Variants in CHSY3 observed in about 807,000 individuals in gnomAD.
CHSY3 encodes the protein N-acetylgalactosaminyl-proteoglycan 3-beta-glucuronosyltransferase 3.
Under a neutral mutation model 67.2 loss-of-function variants are expected in CHSY3, and 35 were observed. The observed-to-expected ratio is 0.52, with a 90% CI of 0.40 to 0.69. The LOEUF is 0.69. Among genes scored for constraint, CHSY3 ranks in the 30% least tolerant of loss-of-function variants. The pLI, the probability that CHSY3 is intolerant of heterozygous loss-of-function variation, is 0.00. For missense variants in CHSY3, 1,069 were observed against 1,138.5 expected, an observed-to-expected ratio of 0.94 and a Z score of 0.88; for synonymous variants, 474 against 434.7, an observed-to-expected ratio of 1.09 and a Z score of -1.12.
chr5:130,058,803 T>A (rs1243720298), intron 2 of CHSY3, among the ~76,000 whole-genome samples: 2 of 152,226 alleles, frequency 1.3e-5, no homozygotes, highest in African/African-American at 4.8e-5. Flanking sequence ...GAAAGCAAGG[T>A]GTCAGCAGGG....
chr5:130,181,456 CT>C (rs1770241149), intron 2 of CHSY3, among the ~76,000 whole-genome samples: 1 of 152,028 alleles, frequency 6.6e-6, no homozygotes, highest in Admixed American at 6.6e-5. Context: ...GATATCTTCT[CT>C]CTCTCTCTGT....
intron 2 of CHSY3, among the ~76,000 whole-genome samples, chr5:130,076,384 C>T (rs1231090015): frequency 1.3e-5 from 2 of 151,468 alleles, no homozygotes; most frequent in East Asian, 3.9e-4. Flanking sequence ...CATTCTATGC[C>T]ACATTATAAT....
chr5:130,121,859 T>C (rs1440615503), intron 2 of CHSY3, among the ~76,000 whole-genome samples: 5 of 152,136 alleles, frequency 3.3e-5, no homozygotes, highest in Admixed American at 2.0e-4. Context: ...AGGCTGGGCA[T>C]AATAGAACAT....
chr5:130,097,313 T>A (rs556095212), intron 2 of CHSY3, among the ~76,000 whole-genome samples: 2 of 152,340 alleles, frequency 1.3e-5, no homozygotes, highest in African/African-American at 4.8e-5. Flanking sequence ...AGTCAGCCAG[T>A]GTGGACAGAC....
intron 2 of CHSY3, among the ~76,000 whole-genome samples, chr5:130,060,307 C>T (rs765265737): frequency 6.6e-6 from 1 of 152,192 alleles, no homozygotes; most frequent in African/African-American, 2.4e-5. Context: ...GCCGTACAAA[C>T]AAAAACCATA....
chr5:130,095,893 C>T (rs141446950), intron 2 of CHSY3, among the ~76,000 whole-genome samples: 198 of 152,322 alleles, frequency 1.3e-3, no homozygotes, highest in African/African-American at 4.0e-3. Context: ...CCCGATATGA[C>T]GCACTGCGGA....
intron 2 of CHSY3, chr5:130,001,410 C>A: frequency 1.1e-6 from 1 of 881,796 alleles, no homozygotes; most frequent in Non-Finnish European, 1.4e-6. Context: ...AGTTAGTAGG[C>A]TGCTGAAGAA....
chr5:130,127,518 G>T (rs1768333458), intron 2 of CHSY3, among the ~76,000 whole-genome samples: 1 of 152,076 alleles, frequency 6.6e-6, no homozygotes, highest in Admixed American at 6.6e-5. Flanking sequence ...TACCATAAAC[G>T]TTCTAGAACA....
intron 2 of CHSY3, among the ~76,000 whole-genome samples, chr5:130,125,416 C>CAGATAGATAGAT (rs202095756): frequency 0.13 from 18,202 of 140,442 alleles, 1,283 homozygotes; most frequent in African/African-American, 0.16. Flanking sequence ...GATCCTGTCT[C>CAGATAGATAGAT]AGATAGATAG....
At chr5:130,081,063 G>T (rs1320369086) in intron 2 of CHSY3, among the ~76,000 whole-genome samples, 13 of 152,084 alleles carry the variant, frequency 8.5e-5, no homozygotes, top group Admixed American at 8.5e-4. Context: ...AACATACAAT[G>T]GCTGGGAACA....
At chr5:130,005,035 CAT>C (rs1763836150) in intron 2 of CHSY3, among the ~76,000 whole-genome samples, 3 of 152,046 alleles carry the variant, frequency 2.0e-5, no homozygotes, top group Admixed American at 2.0e-4. Context: ...TTCAGTAACA[CAT>C]ATTTAAACTC....
At chr5:130,171,463 A>C (rs1656132570) in intron 2 of CHSY3, among the ~76,000 whole-genome samples, 1 of 152,158 alleles carries the variant, frequency 6.6e-6, no homozygotes, top group Admixed American at 6.6e-5. Context: ...TAAGATTTTT[A>C]ATCTCTTTGG....
At chr5:129,908,823 A>G (rs1760424800) in intron 2 of CHSY3, among the ~76,000 whole-genome samples, 1 of 152,080 alleles carries the variant, frequency 6.6e-6, no homozygotes, top group Non-Finnish European at 1.5e-5. Flanking sequence ...TTCTTTGGAT[A>G]TTTTCCAGTG....
chr5:130,093,636 G>A (rs1254989524), intron 2 of CHSY3, among the ~76,000 whole-genome samples: 1 of 152,144 alleles, frequency 6.6e-6, no homozygotes, highest in Non-Finnish European at 1.5e-5. Context: ...AGAAACTGAT[G>A]AATGATGTAG....
chr5:129,934,203 T>A (rs1014224192), intron 2 of CHSY3, among the ~76,000 whole-genome samples: 1 of 152,124 alleles, frequency 6.6e-6, no homozygotes, highest in African/African-American at 2.4e-5. Flanking sequence ...AGAAAAATGC[T>A]TATGACATAA....
At position 129,938,567 on chromosome 5, in the gene CHSY3, G is replaced by A. The variant is rs185892508; in HGVS notation, c.1086+30207G>A. Among the ~76,000 whole-genome samples, 132 of 152,292 alleles carry A rather than the reference G, an allele frequency of 8.7e-4. 4 individuals carry two copies. Among genetic ancestry groups the A allele is most frequent in the Admixed American group, 8.2e-3 (125 of 15,302 alleles). On this transcript the variant is annotated intron_variant, in intron 2 of 2. Coordinates refer to ENST00000305031, the MANE Select transcript of CHSY3 (RefSeq NM_175856.5). The stretch of plus-strand genomic sequence containing the variant: ...CGGTTAGAAGCAGCCAGGCCACATC[G>A]TGAACACTCTGCTGTGTAGAAATTT...
chr5:129,925,485 C>T (rs1188499246), intron 2 of CHSY3, among the ~76,000 whole-genome samples: 3 of 152,048 alleles, frequency 2.0e-5, no homozygotes, highest in Non-Finnish European at 2.9e-5. Flanking sequence ...TGGTGTACAA[C>T]GTGGTTTTGA....
At chr5:130,059,358 T>TA (rs1765634872) in intron 2 of CHSY3, among the ~76,000 whole-genome samples, 1 of 151,894 alleles carries the variant, frequency 6.6e-6, no homozygotes, top group Non-Finnish European at 1.5e-5. Context: ...ACTAATTCCT[T>TA]AAAACCAGTC....
rs1042749817 is a variant in CHSY3, at chr5:130,159,607, A to G, written c.1087-24622A>G. Reference sequence around the variant, plus strand: ...CATTTTTCCAATTGAGGCTGTATAAATAAGTGAAGTAAAAGTTTGAATGCA... The same window carrying G: ...CATTTTTCCAATTGAGGCTGTATAAGTAAGTGAAGTAAAAGTTTGAATGCA... On this transcript the variant is annotated intron_variant, in intron 2 of 2. Coordinates refer to ENST00000305031, the MANE Select transcript of CHSY3 (RefSeq NM_175856.5). 5.0e-4 allele frequency among the ~76,000 whole-genome samples: 76 copies of G among 152,140 alleles called. 1 individual carries two copies. The highest frequency in any genetic ancestry group is 1.8e-3 in the African/African-American group (74 of 41,444).
Sources: allele counts gnomAD v4.1 joint callset (sites outside exome capture counted in the v4.1 genomes callset), GRCh38; gene constraint gnomAD v4.1.1; transcripts MANE v1.5; gene names NCBI Gene and HGNC (gene_info 2026-07-23, HGNC 2026-07-21).